Variants in PHKA1 observed in about 807,000 individuals in gnomAD.
The protein encoded by PHKA1 is phosphorylase b kinase regulatory subunit alpha, skeletal muscle isoform.
Under a neutral mutation model 110.2 loss-of-function variants are expected in PHKA1, and 60 were observed. That is an observed-to-expected ratio of 0.54 (90% CI 0.44 to 0.68). PHKA1 has a LOEUF of 0.68. Ranked by LOEUF, PHKA1 falls within the 30% of genes least tolerant of loss-of-function variation. The pLI, the probability that PHKA1 is intolerant of heterozygous loss-of-function variation, is 0.00. For synonymous variants in PHKA1, 316 were observed against 333.6 expected, an observed-to-expected ratio of 0.95 and a Z score of 0.58; for missense variants, 801 against 942.5, an observed-to-expected ratio of 0.85 and a Z score of 1.97.
At chrX:72,620,651 T>C in intron 19 of PHKA1, 74 bp downstream of exon 19, 1 of 905,818 alleles carries the variant, frequency 1.1e-6, no homozygotes. Flanking sequence ...GCTTACATTG[T>C]AATCAATGCC....
At chrX:72,613,701 A>G (rs1276945381) in intron 21 of PHKA1, among the ~76,000 whole-genome samples, 1 of 111,730 alleles carries the variant, frequency 9.0e-6, no homozygotes, top group Admixed American at 9.5e-5. Flanking sequence ...TGACATAATA[A>G]CTTTACAGTG....
At chrX:72,619,814 T>C (rs1556275043) in intron 19 of PHKA1, among the ~76,000 whole-genome samples, 1 of 111,751 alleles carries the variant, frequency 8.9e-6, no homozygotes, top group Non-Finnish European at 1.9e-5. Context: ...ATACTTACCA[T>C]CACTTCTAAG....
chrX:72,587,418 G>A (rs1556215574), intron 29 of PHKA1, among the ~76,000 whole-genome samples: 2 of 111,588 alleles, frequency 1.8e-5, no homozygotes, highest in Non-Finnish European at 3.8e-5. Flanking sequence ...TGCCTTACAA[G>A]AGCTCCTGAA....
At chrX:72,656,356 G>A (rs2053497209) in intron 9 of PHKA1, 114 bp from the exon 10 acceptor site, 1 of 783,401 alleles carries the variant, frequency 1.3e-6, no homozygotes, top group African/African-American at 2.0e-5. Context: ...AGGTGTTCAG[G>A]AAGCAGAGCA....
At chrX:72,607,758 G>C (rs782498975) in intron 23 of PHKA1, among the ~76,000 whole-genome samples, 1 of 111,683 alleles carries the variant, frequency 9.0e-6, no homozygotes, top group South Asian at 3.8e-4. Context: ...GTTTTAAGAG[G>C]ATCAGCTTCA....
intron 5 of PHKA1, among the ~76,000 whole-genome samples, chrX:72,682,934 T>TAA (rs1164416043): frequency 2.5e-4 from 16 of 63,821 alleles, no homozygotes; most frequent in Admixed American, 4.0e-4. Context: ...AAAAATAAAT[T>TAA]AAAAAAAAAA....
intron 3 of PHKA1, among the ~76,000 whole-genome samples, chrX:72,702,507 G>T (rs1472616872): frequency 9.0e-6 from 1 of 111,416 alleles, no homozygotes; most frequent in Non-Finnish European, 1.9e-5. Flanking sequence ...GCCTAATAAT[G>T]TATGGACTTC....
chrX:72,713,022 G>T, intron 1 of PHKA1, 85 bp from the exon 2 acceptor site: 1 of 1,004,542 alleles, frequency 1.0e-6, no homozygotes, highest in Non-Finnish European at 1.4e-6. Flanking sequence ...GTTTTTTAGG[G>T]ACTTTGGTCT....
chrX:72,630,866 C>G (rs2053154887), intron 16 of PHKA1, among the ~76,000 whole-genome samples: 1 of 110,749 alleles, frequency 9.0e-6, no homozygotes, highest in African/African-American at 3.3e-5. Flanking sequence ...CTGATTTTCT[C>G]TCATACTTTT....
intron 21 of PHKA1, among the ~76,000 whole-genome samples, chrX:72,612,364 CT>C (rs1182388511): frequency 9.0e-6 from 1 of 111,514 alleles, no homozygotes; most frequent in East Asian, 2.8e-4. Flanking sequence ...AGTGGGGCTT[CT>C]TTTTGGGGTA....
chrX:72,605,041 T>G (rs2052708469), intron 25 of PHKA1, among the ~76,000 whole-genome samples: 1 of 111,337 alleles, frequency 9.0e-6, no homozygotes, highest in Admixed American at 9.6e-5. Context: ...GGATTTGGAG[T>G]GAAGAGCCCA....
At position 72,657,593 on chromosome X, in the gene PHKA1, T is replaced by C; in HGVS notation, c.913A>G (p.Lys305Glu). The stretch of plus-strand genomic sequence containing the variant: ...TTTGGAGAAAAGAAACCTACCTCTT[T>C]AGGAGTTTTATATCCATCTCGTAGA... ...RFLRDGYKTP[K>E]EDPNRLYYEP... The change falls in exon 9 of 32, where the codon AAA (lysine) becomes GAA (glutamate). Residue 305 changes from lysine to glutamate, a missense_variant. This residue lies in a region of PHKA1 where 299 missense variants were observed against 423.3 expected (regional missense o/e 0.71). Transcript: ENST00000373542. The C allele has an allele frequency of 1.7e-6, 2 of 1,205,737 alleles. No individual in the cohort carries two copies. Among genetic ancestry groups the C allele is most frequent in the South Asian group, 1.8e-5 (1 of 56,809 alleles).
intron 14 of PHKA1, among the ~76,000 whole-genome samples, chrX:72,639,556 A>T (rs1307361508): frequency 9.0e-6 from 1 of 111,261 alleles, no homozygotes; most frequent in Non-Finnish European, 1.9e-5. Context: ...GAGAAAAAGA[A>T]AAAGAAAAGG....
In PHKA1 at chrX:72,676,165, C is replaced by T. The variant is rs1446043146; in HGVS notation, c.538-15G>A. The T allele has an allele frequency of 8.6e-7, 1 of 1,160,788 alleles. No individual in the cohort carries two copies. The highest frequency in any genetic ancestry group is 3.0e-5 in the East Asian group (1 of 33,624). ...ATCCCGAAGTCCTGGCATAAAATAA[C>T]CAATATACAATTAGCAAGTCATAAC... On this transcript the variant is annotated splice_polypyrimidine_tract_variant and intron_variant, in intron 5 of 31. Coordinates refer to ENST00000373542, the MANE Select transcript of PHKA1 (RefSeq NM_002637.4).
chrX:72,614,056 T>G, intron 21 of PHKA1, among the ~76,000 whole-genome samples: 1 of 112,080 alleles, frequency 8.9e-6, no homozygotes, highest in Non-Finnish European at 1.9e-5. Flanking sequence ...TTGGGCTATA[T>G]GACAAATCTT....
Position 72,609,651 on chromosome X carries a change from G to A in PHKA1, c.2579C>T (p.Pro860Leu), listed in dbSNP as rs2052777775. ...HQKHLTVGLP[P>L]EPREKTISAP... ...AGAGATAGTCTTTTCTCGAGGTTCT[G>A]GAGGAAGTCCTACTGTCAAATGTTT... Residue 860 changes from proline (P) to leucine (L), a missense_variant, in exon 23 of 32, where the codon CCA becomes CTA. Physicochemically the swap from Pro to Leu is moderately conservative, Grantham distance 98 (BLOSUM62 -3). Around this residue, in one of 2 missense-constraint regions of PHKA1, gnomAD observed 502 missense variants for 519.2 expected, o/e 0.97. Coordinates refer to ENST00000373542, the MANE Select transcript of PHKA1 (RefSeq NM_002637.4). The A allele has an allele frequency of 8.3e-7, 1 of 1,204,738 alleles. No homozygotes were observed. The highest frequency in any genetic ancestry group is 2.2e-5 in the Admixed American group (1 of 45,718).
rs1369042151 is a variant in PHKA1, at chrX:72,603,119, C to G, written c.2917G>C (p.Val973Leu). 1 of 1,156,759 alleles carries G rather than the reference C, an allele frequency of 8.6e-7. No individual in the cohort carries two copies. The highest frequency in any genetic ancestry group is 1.2e-6 in the Non-Finnish European group (1 of 847,386). Residue 973 changes from valine (V) to leucine (L), a missense_variant and splice_region_variant, in exon 26 of 32, where the codon GTT (valine) becomes CTT (leucine). By Grantham distance (32) the Val-to-Leu change is conservative. Transcript: ENST00000373542. Reference protein sequence around the residue: ...SGKEFGVERSVRPTDSNVSPA... With the variant: ...SGKEFGVERSLRPTDSNVSPA... The stretch of plus-strand genomic sequence containing the variant: ...TGAAAATGCAGTTATTCAATCTCAC[C>G]GCTTCGTTCCACTCCAAACTCCTTG...
chrX:72,680,664 G>A (rs1421973662), intron 5 of PHKA1, among the ~76,000 whole-genome samples: 1 of 108,053 alleles, frequency 9.3e-6, no homozygotes, highest in Non-Finnish European at 1.9e-5. Context: ...CCGGGGCAGT[G>A]CGGAGCCAGG....
At chrX:72,676,509 T>C (rs2053782012) in intron 5 of PHKA1, among the ~76,000 whole-genome samples, 1 of 112,045 alleles carries the variant, frequency 8.9e-6, no homozygotes, top group Admixed American at 9.5e-5. Flanking sequence ...AGCCCAATAT[T>C]TTATTGTAAA....
Sources: allele counts gnomAD v4.1 joint callset (sites outside exome capture counted in the v4.1 genomes callset), GRCh38; gene constraint gnomAD v4.1.1; regional missense constraint gnomAD v4.1.1; transcripts MANE v1.5; gene names NCBI Gene and HGNC (gene_info 2026-07-23, HGNC 2026-07-21).